CNTNAP4: variants seen among roughly 807,000 people sequenced by gnomAD.
The protein encoded by CNTNAP4 is contactin associated protein family member 4, also known as contactin-associated protein-like 4.
Under a neutral mutation model 148.4 loss-of-function variants are expected in CNTNAP4, and 98 were observed. The observed-to-expected ratio is 0.66, with a 90% CI of 0.56 to 0.78. CNTNAP4 has a LOEUF of 0.78. CNTNAP4 is among the 30% of genes least tolerant of loss of function. CNTNAP4 has a pLI of 0.00. For synonymous variants in CNTNAP4, 730 were observed against 565.1 expected, an observed-to-expected ratio of 1.29 and a Z score of -4.14; for missense variants, 1,935 against 1,565.6, an observed-to-expected ratio of 1.24 and a Z score of -3.98.
chr16:76,311,894 A>T lies in CNTNAP4; in HGVS notation c.86-4519A>T, dbSNP rs9923755. Among the ~76,000 whole-genome samples the T allele has an allele frequency of 9.7e-3, 1,480 of 152,284 alleles. 22 individuals are homozygous for T. The highest frequency in any genetic ancestry group is 0.034 in the African/African-American group (1,395 of 41,556). On this transcript the variant is annotated intron_variant, in intron 1 of 23. Coordinates refer to ENST00000611870, the MANE Select transcript of CNTNAP4 (RefSeq NM_033401.5). ...GGATGATGTGCCAATCTGATATAGC[A>T]CTTAATTTTTTAAAAATGCAATTAT...
chr16:76,384,372 C>T (rs901634035), intron 3 of CNTNAP4, among the ~76,000 whole-genome samples: 32 of 152,042 alleles, frequency 2.1e-4, no homozygotes, highest in Non-Finnish European at 3.8e-4. Flanking sequence ...TACAACTTTA[C>T]TTGTAATAAG....
intron 15 of CNTNAP4, among the ~76,000 whole-genome samples, chr16:76,502,239 G>C (rs909081926): frequency 2.5e-4 from 38 of 152,246 alleles, no homozygotes; most frequent in African/African-American, 8.9e-4. Context: ...GAAGGACTAA[G>C]GACTAAGGAC....
In CNTNAP4 at chr16:76,322,906, C is replaced by T. The variant is rs1263444021; in HGVS notation, c.196+6383C>T. Among the ~76,000 whole-genome samples the T allele has an allele frequency of 2.0e-5, 3 of 152,002 alleles. No individual in the cohort carries two copies. In the East Asian group the frequency reaches 5.8e-4, roughly 29 times the overall value. Reference sequence around the variant, plus strand: ...CTACAGTGCAGTGGCACAATCCCAGCTCACTGCAACCTCTGCCTTGTGGGT... The same window carrying T: ...CTACAGTGCAGTGGCACAATCCCAGTTCACTGCAACCTCTGCCTTGTGGGT... On this transcript the variant is annotated intron_variant, in intron 2 of 23. Coordinates refer to ENST00000611870, the MANE Select transcript of CNTNAP4 (RefSeq NM_033401.5).
chr16:76,427,484 T>G lies in CNTNAP4; in HGVS notation c.423T>G (p.Val141=). The change falls in exon 4 of 24, where the codon GTT becomes GTG. Residue 141 remains valine (V), a synonymous_variant. Coordinates refer to ENST00000611870, the MANE Select transcript of CNTNAP4 (RefSeq NM_033401.5). Reference sequence around the variant, plus strand: ...CAGGAAATGCAAATGCAGACAGTGTTGTGTACTATAGACTCCAGCCTTCTA... The same window carrying G: ...CAGGAAATGCAAATGCAGACAGTGTGGTGTACTATAGACTCCAGCCTTCTA... ...GFSGNANADS[V]VYYRLQPSIK... 6.8e-6 allele frequency: 11 copies of G among 1,612,312 alleles called. No individual in the cohort carries two copies. Among genetic ancestry groups the G allele is most frequent in the Non-Finnish European group, 9.3e-6 (11 of 1,179,078 alleles).
At chr16:76,543,022 C>G (rs576643157) in intron 21 of CNTNAP4, among the ~76,000 whole-genome samples, 1 of 152,246 alleles carries the variant, frequency 6.6e-6, no homozygotes, top group South Asian at 2.1e-4. Context: ...CCTCATTTCC[C>G]TTTTTGTAAA....
intron 21 of CNTNAP4, among the ~76,000 whole-genome samples, chr16:76,545,016 AG>A (rs934504002): frequency 6.6e-6 from 1 of 152,238 alleles, no homozygotes; most frequent in Non-Finnish European, 1.5e-5. Context: ...AAGGTGACCT[AG>A]GTAAATTAAG....
At chr16:76,316,795 A>G (rs1465540948) in intron 2 of CNTNAP4, among the ~76,000 whole-genome samples, 2 of 152,206 alleles carry the variant, frequency 1.3e-5, no homozygotes, top group Non-Finnish European at 2.9e-5. Context: ...TACAATCCTT[A>G]TGGACACATT....
At chr16:76,365,541 A>G (rs1170380494) in intron 3 of CNTNAP4, among the ~76,000 whole-genome samples, 1 of 152,132 alleles carries the variant, frequency 6.6e-6, no homozygotes, top group Non-Finnish European at 1.5e-5. Context: ...ACGTGAGATC[A>G]GGAGTTCAAA....
intron 15 of CNTNAP4, among the ~76,000 whole-genome samples, chr16:76,507,673 T>C (rs1156799506): frequency 1.0e-5 from 1 of 97,920 alleles, no homozygotes; most frequent in Non-Finnish European, 2.9e-5. Flanking sequence ...GGTGCTGACA[T>C]AGGGCCTGCC....
chr16:76,547,404 C>A (rs937916737), intron 21 of CNTNAP4, among the ~76,000 whole-genome samples: 1 of 152,054 alleles, frequency 6.6e-6, no homozygotes. Flanking sequence ...TGAAAAAAAT[C>A]ACTACTCAAA....
intron 3 of CNTNAP4, among the ~76,000 whole-genome samples, chr16:76,371,080 C>T (rs1038976431): frequency 6.6e-6 from 1 of 152,118 alleles, no homozygotes; most frequent in African/African-American, 2.4e-5. Context: ...TAGAGTGGTG[C>T]TCTCCTTAAT....
chr16:76,300,788 C>G (rs774489907), intron 1 of CNTNAP4, among the ~76,000 whole-genome samples: 17 of 152,080 alleles, frequency 1.1e-4, no homozygotes, highest in Non-Finnish European at 1.5e-4. Context: ...TGGCAAGCAT[C>G]AATTTATTTT....
intron 16 of CNTNAP4, 61 bp downstream of exon 16, chr16:76,521,371 C>T: frequency 7.1e-7 from 1 of 1,404,442 alleles, no homozygotes; most frequent in Non-Finnish European, 9.6e-7. Context: ...AATCTTTTAA[C>T]TAATTTTTAA....
chr16:76,546,236 A>T (rs1185935478), intron 21 of CNTNAP4, among the ~76,000 whole-genome samples: 1 of 152,166 alleles, frequency 6.6e-6, no homozygotes, highest in African/African-American at 2.4e-5. Context: ...CAACAAGGAG[A>T]TACTGCAAGA....
chr16:76,410,110 T>C lies in CNTNAP4; in HGVS notation c.391-17342T>C, dbSNP rs548446910. On this transcript the variant is annotated intron_variant, in intron 3 of 23. Transcript: ENST00000611870. ...TAAGAGCCAGGATTGTCTTATTATT[T>C]TTTTTCCAGGTCATACTAAGGTCTC... Among the ~76,000 whole-genome samples, 8 of 151,852 alleles carry C rather than the reference T, an allele frequency of 5.3e-5. No homozygotes were observed. In the East Asian group the frequency reaches 1.5e-3, roughly 29 times the overall value.
intron 12 of CNTNAP4, among the ~76,000 whole-genome samples, chr16:76,486,420 A>G (rs2082027757): frequency 6.6e-6 from 1 of 152,224 alleles, no homozygotes; most frequent in Non-Finnish European, 1.5e-5. Flanking sequence ...ACAAATGTGC[A>G]TACGGAGGCA....
At chr16:76,308,008 A>C (rs1302569499) in intron 1 of CNTNAP4, among the ~76,000 whole-genome samples, 1 of 152,230 alleles carries the variant, frequency 6.6e-6, no homozygotes, top group Non-Finnish European at 1.5e-5. Flanking sequence ...AAATGCATAG[A>C]AATTTATAGG....
intron 3 of CNTNAP4, among the ~76,000 whole-genome samples, chr16:76,426,299 G>C (rs978776924): frequency 1.3e-5 from 2 of 152,108 alleles, no homozygotes; most frequent in African/African-American, 2.4e-5. Context: ...AGATACCCTG[G>C]GTATTGGTGT....
chr16:76,393,931 C>T (rs919325722), intron 3 of CNTNAP4, among the ~76,000 whole-genome samples: 56 of 152,280 alleles, frequency 3.7e-4, no homozygotes, highest in African/African-American at 1.3e-3. Context: ...ATTTCATTTT[C>T]GCCAACAGAA....
Sources: allele counts gnomAD v4.1 joint callset (sites outside exome capture counted in the v4.1 genomes callset), GRCh38; gene constraint gnomAD v4.1.1; transcripts MANE v1.5; gene names NCBI Gene and HGNC (gene_info 2026-07-23, HGNC 2026-07-21).